DIP2C: variants seen among roughly 807,000 people sequenced by gnomAD.
DIP2C encodes the protein DIP2 acetate--CoA ligase C (putative).
A neutral mutation model predicts 192.4 loss-of-function variants in DIP2C; 33 were observed. The observed-to-expected ratio is 0.17, with a 90% CI of 0.13 to 0.23. The LOEUF (loss-of-function observed/expected upper bound fraction) is 0.23. Ranked by LOEUF, DIP2C falls within the 10% of genes least tolerant of loss-of-function variation. The probability of loss-of-function intolerance (pLI) is 1.00; values close to 1 mark genes in which losing one functional copy is unlikely to be tolerated. For synonymous variants in DIP2C, 979 were observed against 864.1 expected (o/e 1.13, Z -2.33); for missense variants, 1,537 against 2,110.1 (o/e 0.73, Z 5.32).
intron 1 of DIP2C, among the ~76,000 whole-genome samples, chr10:607,686 A>AC (rs1174061512): frequency 6.6e-6 from 1 of 152,198 alleles, no homozygotes; most frequent in Non-Finnish European, 1.5e-5. Context: ...TGACTAGTTC[A>AC]CGCCATAAGG....
At chr10:414,169 T>C in intron 7 of DIP2C, 59 bp from the exon 8 acceptor site, 1 of 1,518,478 alleles carries the variant, frequency 6.6e-7, no homozygotes, top group Admixed American at 2.1e-5. Flanking sequence ...GCATGGCTAC[T>C]TTTTATTCTT....
chr10:651,041 T>G lies in DIP2C; in HGVS notation c.85+38453A>C, dbSNP rs1006282209. The G allele has an allele frequency of 4.2e-6, 3 of 717,208 alleles. No homozygotes were observed. The East Asian group carries it at 8.1e-5, about 19-fold the overall frequency. 44.4% of individuals were successfully genotyped at this position (717,208 alleles called of 1,614,324 possible). A position where few individuals can be genotyped will look rare whatever the true frequency, so the allele number is the denominator to read the frequency against. ...AGCCCCCGTTTCTGCAGAAGCCCCT[T>G]TCCATCCTAGCCCCTGCCACCCCTC... On this transcript the variant is annotated intron_variant, in intron 1 of 36. Coordinates refer to ENST00000280886, the MANE Select transcript of DIP2C (RefSeq NM_014974.3). The surrounding 1 kb of genome is among the most constrained non-coding windows in gnomAD (Gnocchi z 4.1).
rs1364820226 is a variant in DIP2C, at chr10:408,929, A to G, written c.1146T>C (p.Asp382=). Residue 382 remains aspartate (D), a synonymous_variant, in exon 9 of 37, where the codon GAT becomes GAC. Transcript: ENST00000280886. The stretch of plus-strand genomic sequence containing the variant: ...CAGCAGTTTAAGTTGCACTTACCCT[A>G]TCTCCAGGCCGGACCATGGGTTCCT... ...TKQEPMVRPG[D]RVALVFPNND... is the part of the protein sequence containing the mutation. The G allele has an allele frequency of 1.3e-5, 21 of 1,614,012 alleles. No homozygotes were observed. The highest frequency in any genetic ancestry group is 1.6e-5 in the Non-Finnish European group (19 of 1,180,020).
At chr10:441,541 A>G (rs7921804) in intron 3 of DIP2C, among the ~76,000 whole-genome samples, 24,534 of 152,116 alleles carry the variant, frequency 0.16, 5,129 homozygotes, top group African/African-American at 0.49. Context: ...ATTGGGGCCC[A>G]TCTTTCCCGT....
chr10:587,439 T>C (rs1851131993), intron 1 of DIP2C, among the ~76,000 whole-genome samples: 1 of 152,216 alleles, frequency 6.6e-6, no homozygotes, highest in African/African-American at 2.4e-5. Context: ...GAGGCCACAC[T>C]GCCATAGGTC....
At chr10:481,248 G>A (rs1025174922) in intron 2 of DIP2C, among the ~76,000 whole-genome samples, 2 of 152,218 alleles carry the variant, frequency 1.3e-5, no homozygotes, top group Non-Finnish European at 2.9e-5. Context: ...TTCTAAAGAC[G>A]ACAGAACAAA....
At chr10:595,903 C>A (rs983764900) in intron 1 of DIP2C, among the ~76,000 whole-genome samples, 1 of 151,504 alleles carries the variant, frequency 6.6e-6, no homozygotes, top group Non-Finnish European at 1.5e-5. Flanking sequence ...GGATGGTTAA[C>A]AAACTAACTG....
intron 1 of DIP2C, among the ~76,000 whole-genome samples, chr10:500,072 C>A (rs910750054): frequency 6.6e-6 from 1 of 152,184 alleles, no homozygotes; most frequent in Admixed American, 6.5e-5. Flanking sequence ...AACTAGGGCC[C>A]CCTCAGCAAG....
intron 1 of DIP2C, among the ~76,000 whole-genome samples, chr10:565,361 A>G (rs546773685): frequency 6.6e-6 from 1 of 151,768 alleles, no homozygotes; most frequent in Admixed American, 6.5e-5. Context: ...TTCTAAAAAA[A>G]AAAAAAAAAA....
chr10:562,274 T>C (rs929044392), intron 1 of DIP2C, among the ~76,000 whole-genome samples: 2 of 152,244 alleles, frequency 1.3e-5, no homozygotes, highest in African/African-American at 4.8e-5. Context: ...GGACAAACTT[T>C]AAGCAGCAAT....
intron 29 of DIP2C, among the ~76,000 whole-genome samples, chr10:338,097 G>A (rs1017206217): frequency 6.6e-6 from 1 of 152,210 alleles, no homozygotes; most frequent in African/African-American, 2.4e-5. Flanking sequence ...ATAGAAAGCA[G>A]CTTATAAAGG....
At chr10:337,479 GTA>G (rs1957890431) in intron 29 of DIP2C, among the ~76,000 whole-genome samples, 2 of 144,686 alleles carry the variant, frequency 1.4e-5, no homozygotes, top group African/African-American at 5.1e-5. Flanking sequence ...AAGCTGATGT[GTA>G]TGTGTGTGCT....
chr10:623,971 A>G (rs1384487622), intron 1 of DIP2C, among the ~76,000 whole-genome samples: 1 of 152,202 alleles, frequency 6.6e-6, no homozygotes, highest in Non-Finnish European at 1.5e-5. Context: ...CATCTGGAAA[A>G]CTTTGCAAAT....
chr10:416,161 G>C (rs1405405965), intron 6 of DIP2C, among the ~76,000 whole-genome samples: 1 of 152,056 alleles, frequency 6.6e-6, no homozygotes, highest in East Asian at 1.9e-4. Flanking sequence ...GGCCACACCT[G>C]CTTGACCCCA....
chr10:578,140 T>C (rs1419922960), intron 1 of DIP2C, among the ~76,000 whole-genome samples: 1 of 152,234 alleles, frequency 6.6e-6, no homozygotes, highest in Non-Finnish European at 1.5e-5. Flanking sequence ...TATTCTTCTT[T>C]TATCCTAAAT....
chr10:631,500 C>T (rs1347142521), intron 1 of DIP2C, among the ~76,000 whole-genome samples: 1 of 152,158 alleles, frequency 6.6e-6, no homozygotes, highest in Admixed American at 6.5e-5. Context: ...TGTCACCTGG[C>T]GACAGCGGAT....
intron 31 of DIP2C, among the ~76,000 whole-genome samples, chr10:319,326 C>T (rs1339055342): frequency 6.6e-6 from 1 of 152,126 alleles, no homozygotes; most frequent in Non-Finnish European, 1.5e-5. Flanking sequence ...TGATTTAATC[C>T]CACACAAAGC....
chr10:345,185 T>A (rs745927156), intron 26 of DIP2C, 75 bp from the exon 27 acceptor site: 1 of 1,335,644 alleles, frequency 7.5e-7, no homozygotes, highest in Non-Finnish European at 1.0e-6. Context: ...ACGGGTCTCC[T>A]GCTTACTACA....
chr10:533,422 TAAAC>T (rs1847526631), intron 1 of DIP2C, among the ~76,000 whole-genome samples: 2 of 152,150 alleles, frequency 1.3e-5, no homozygotes, highest in Non-Finnish European at 1.5e-5. Flanking sequence ...CGGGGCAAAC[TAAAC>T]AAAGGCTTGT....
Sources: allele counts gnomAD v4.1 joint callset (sites outside exome capture counted in the v4.1 genomes callset), GRCh38; gene constraint gnomAD v4.1.1; non-coding constraint Gnocchi (gnomAD v3.1); transcripts MANE v1.5; gene names NCBI Gene and HGNC (gene_info 2026-07-23, HGNC 2026-07-21).